The following ZNF248 variants were observed in gnomAD, a reference collection of about 807,000 sequenced individuals.
The protein encoded by ZNF248 is KRAB protein domain.
Under a neutral mutation model 44.3 loss-of-function variants are expected in ZNF248, and 20 were observed. The ratio of observed to expected loss-of-function variants is 0.45; its 90% confidence interval spans 0.32 to 0.66. The LOEUF is 0.66. Among genes scored for constraint, ZNF248 ranks in the 30% least tolerant of loss-of-function variants. The pLI is 0.04. For missense variants in ZNF248, 654 were observed against 677.0 expected, an observed-to-expected ratio of 0.97 and a Z score of 0.38; for synonymous variants, 224 against 229.0, an observed-to-expected ratio of 0.98 and a Z score of 0.20.
intron 3 of ZNF248, among the ~76,000 whole-genome samples, chr10:37,850,186 C>A (rs12256794): frequency 0.027 from 4,178 of 152,230 alleles, 139 homozygotes; most frequent in African/African-American, 0.082. Context: ...TACAAGTGAG[C>A]AATTTAAACT....
downstream of ZNF248, among the ~76,000 whole-genome samples, chr10:37,827,600 A>G (rs2054585791): frequency 1.3e-5 from 2 of 152,150 alleles, no homozygotes; most frequent in South Asian, 4.1e-4. Flanking sequence ...CCTCAGATAA[A>G]GGGAGGAGGT....
intron 3 of ZNF248, among the ~76,000 whole-genome samples, chr10:37,845,125 G>A (rs1414667922): frequency 2.0e-5 from 3 of 151,558 alleles, no homozygotes; most frequent in Non-Finnish European, 2.9e-5. Context: ...TGGCTCAAGC[G>A]ATCCTTCCAC....
chr10:37,847,399 C>G (rs1301236828), intron 3 of ZNF248, among the ~76,000 whole-genome samples: 3 of 152,076 alleles, frequency 2.0e-5, no homozygotes, highest in Admixed American at 1.3e-4. Context: ...TTTTGGGAAA[C>G]TTTAAAGTAC....
intron 6 of ZNF248, among the ~76,000 whole-genome samples, chr10:37,807,209 A>G (rs2050710370): frequency 6.6e-6 from 1 of 151,782 alleles, no homozygotes; most frequent in South Asian, 2.1e-4. Flanking sequence ...GTCTAAAACC[A>G]TTTACCCATA....
intron 6 of ZNF248, among the ~76,000 whole-genome samples, chr10:37,791,288 T>C (rs985265298): frequency 1.3e-5 from 2 of 151,898 alleles, no homozygotes; most frequent in Non-Finnish European, 2.9e-5. Context: ...GTGATCCACC[T>C]ACCTCGGCCT....
At chr10:37,798,733 G>A (rs2049440996) in intron 6 of ZNF248, among the ~76,000 whole-genome samples, 1 of 151,840 alleles carries the variant, frequency 6.6e-6, no homozygotes, top group African/African-American at 2.4e-5. Flanking sequence ...TTACTTGTCT[G>A]CATTAAAAAA....
At chr10:37,822,741 G>C (rs951431416) in intron 6 of ZNF248, among the ~76,000 whole-genome samples, 5 of 152,016 alleles carry the variant, frequency 3.3e-5, no homozygotes, top group Non-Finnish European at 7.4e-5. Context: ...ACTAACGATA[G>C]GTGATGAGCT....
At chr10:37,827,780 ATC>A (rs2054620833), downstream of ZNF248, among the ~76,000 whole-genome samples, 1 of 152,232 alleles carries the variant, frequency 6.6e-6, no homozygotes, top group Admixed American at 6.5e-5. Context: ...GGTTGAAGGC[ATC>A]AAGGATACCC....
intron 3 of ZNF248, among the ~76,000 whole-genome samples, chr10:37,854,681 T>C (rs1033281438): frequency 6.6e-6 from 1 of 152,254 alleles, no homozygotes; most frequent in African/African-American, 2.4e-5. Context: ...GATCAAGTTC[T>C]GGGAATTCAT....
chr10:37,808,202 G>GA (rs377662725), intron 6 of ZNF248, among the ~76,000 whole-genome samples: 1 of 151,220 alleles, frequency 6.6e-6, no homozygotes, highest in Non-Finnish European at 1.5e-5. Flanking sequence ...GAAATAAACA[G>GA]AAAAAAATCC....
chr10:37,827,615 T>C (rs1012616961), downstream of ZNF248, among the ~76,000 whole-genome samples: 2 of 152,074 alleles, frequency 1.3e-5, no homozygotes, highest in Non-Finnish European at 2.9e-5. Context: ...GGAGGTTGAG[T>C]GTGCAGTGTC....
At chr10:37,782,060 TG>T (rs1187676166) in intron 6 of ZNF248, among the ~76,000 whole-genome samples, 1 of 152,210 alleles carries the variant, frequency 6.6e-6, no homozygotes, top group Non-Finnish European at 1.5e-5. Flanking sequence ...CTTGAGTATA[TG>T]GATGTCCATT....
intron 6 of ZNF248, among the ~76,000 whole-genome samples, chr10:37,823,333 CAAAAA>C (rs60957023): frequency 2.3e-4 from 4 of 17,532 alleles, no homozygotes; most frequent in Non-Finnish European, 2.9e-4. Flanking sequence ...ACTCCGTCTC[CAAAAA>C]AAAAAAAAAA....
rs73236272 is a variant in ZNF248, at chr10:37,804,184, C to T, written c.331-27609G>A. 4.1e-3 allele frequency among the ~76,000 whole-genome samples: 580 copies of T among 142,938 alleles called. 5 individuals carry two copies. Among genetic ancestry groups the T allele is most frequent in the African/African-American group, 0.015 (560 of 38,254 alleles). The allele number at this position is 142,938 out of a possible 152,430, so 93.8% of individuals were successfully genotyped here. ...CAGTGGCGTGATCTCGGCTCACTGT[C>T]GCCTTCGCCTCCCCGGCTCAAGCGA... On this transcript the variant is annotated intron_variant, in intron 6 of 6. Coordinates refer to the ZNF248 transcript ENST00000615949.
chr10:37,843,159 A>G (rs1208645), intron 3 of ZNF248, among the ~76,000 whole-genome samples: 33,482 of 152,138 alleles, frequency 0.22, 3,847 homozygotes, highest in Middle Eastern at 0.29. Flanking sequence ...AAAATAGCAT[A>G]TGGCCGAGCA....
At chr10:37,820,507 T>C in intron 6 of ZNF248, 7 of 1,601,090 alleles carry the variant, frequency 4.4e-6, no homozygotes, top group South Asian at 1.1e-5. Flanking sequence ...ATAAGGAATG[T>C]TGCGGTGAGG....
intron 3 of ZNF248, among the ~76,000 whole-genome samples, chr10:37,844,687 T>A (rs547553601): frequency 2.2e-4 from 34 of 152,280 alleles, no homozygotes; most frequent in African/African-American, 7.9e-4. Context: ...ATGTGGAATG[T>A]TCATTGTTAA....
chr10:37,856,719 T>TA (rs764708211), intron 1 of ZNF248, 187 bp from the exon 2 acceptor site: 18 of 990,774 alleles, frequency 1.8e-5, no homozygotes, highest in Non-Finnish European at 1.9e-5. Flanking sequence ...AAAAGACCTC[T>TA]AAAAAAAGGG....
At chr10:37,827,273 G>C (rs753458353), downstream of ZNF248, among the ~76,000 whole-genome samples, 1 of 152,186 alleles carries the variant, frequency 6.6e-6, no homozygotes, top group African/African-American at 2.4e-5. Context: ...GCTTCCTTTA[G>C]GGGATCAGTA....
Sources: allele counts gnomAD v4.1 joint callset (sites outside exome capture counted in the v4.1 genomes callset), GRCh38; gene constraint gnomAD v4.1.1; transcripts MANE v1.5; gene names NCBI Gene and HGNC (gene_info 2026-07-23, HGNC 2026-07-21).